GALNT18: variants seen among roughly 807,000 people sequenced by gnomAD.
GALNT18 encodes polypeptide N-acetylgalactosaminyltransferase 18, also known as GalNAc-transferase 18.
Under a neutral mutation model 69.5 loss-of-function variants are expected in GALNT18, and 44 were observed. That is an observed-to-expected ratio of 0.63 (90% confidence interval 0.50 to 0.81). The LOEUF (loss-of-function observed/expected upper bound fraction) is 0.81. Ranked by LOEUF, GALNT18 falls within the 40% of genes least tolerant of loss-of-function variation. GALNT18 has a pLI of 0.00. For synonymous variants in GALNT18, 364 were observed against 318.2 expected, an observed-to-expected ratio of 1.14 and a Z score of -1.53; for missense variants, 715 against 810.0, an observed-to-expected ratio of 0.88 and a Z score of 1.42.
At chr11:11,466,291 T>G (rs1406600467) in intron 1 of GALNT18, among the ~76,000 whole-genome samples, 1 of 152,176 alleles carries the variant, frequency 6.6e-6, no homozygotes, top group Non-Finnish European at 1.5e-5. Context: ...CACCTTTACG[T>G]GAATATTGAA....
At chr11:11,427,712 A>T (rs1855165511) in intron 3 of GALNT18, among the ~76,000 whole-genome samples, 1 of 152,132 alleles carries the variant, frequency 6.6e-6, no homozygotes, top group Non-Finnish European at 1.5e-5. Flanking sequence ...CGCTCTTCCC[A>T]CCAAAACAGC....
chr11:11,367,114 C>T (rs1282982322), intron 6 of GALNT18, among the ~76,000 whole-genome samples: 1 of 152,182 alleles, frequency 6.6e-6, no homozygotes, highest in Non-Finnish European at 1.5e-5. Context: ...AACTCAGCTA[C>T]ACAGGGAGAG....
Position 11,541,181 on chromosome 11 carries a change from A to G in GALNT18, c.235+80178T>C, listed in dbSNP as rs547897555. 2.0e-5 allele frequency among the ~76,000 whole-genome samples: 3 copies of G among 152,208 alleles called. No homozygotes were observed. The South Asian group carries it at 6.2e-4, about 32-fold the overall frequency. On this transcript the variant is annotated intron_variant, in intron 1 of 10. Coordinates refer to ENST00000227756, the MANE Select transcript of GALNT18 (RefSeq NM_198516.3). The surrounding 1 kb of genome is among the most constrained non-coding windows in gnomAD (Gnocchi z 4.8). ...TTTCTCACTGCCCAACTCTGTACCT[A>G]CAAGTTCTTTCACCCTCCCTCAGGA...
intron 1 of GALNT18, among the ~76,000 whole-genome samples, chr11:11,512,175 C>T (rs536223311): frequency 4.6e-5 from 7 of 152,292 alleles, no homozygotes; most frequent in Non-Finnish European, 1.0e-4. Flanking sequence ...AAACCGCCTG[C>T]CCCCATGGGT....
At position 11,598,353 on chromosome 11, in the gene GALNT18, T is replaced by C. The variant is rs1255296312; in HGVS notation, c.235+23006A>G. Among the ~76,000 whole-genome samples the C allele has an allele frequency of 6.6e-6, 1 of 152,192 alleles. No individual in the cohort carries two copies. The highest frequency in any genetic ancestry group is 1.9e-4 in the East Asian group (1 of 5,192). On this transcript the variant is annotated intron_variant, in intron 1 of 10. Transcript: ENST00000227756. This position sits in a 1 kb window ranked among gnomAD's most constrained non-coding sequence, Gnocchi z 4.8. ...TCTTACTCGAGGCAAAATCAAGGTG[T>C]CAGCAGGGCTATACTTCTTTGCAGG...
intron 3 of GALNT18, among the ~76,000 whole-genome samples, chr11:11,381,561 T>G (rs762904698): frequency 1.4e-4 from 21 of 152,184 alleles, no homozygotes; most frequent in Non-Finnish European, 2.4e-4. Flanking sequence ...TGTGGCTGCC[T>G]CACACACTGA....
intron 10 of GALNT18, among the ~76,000 whole-genome samples, chr11:11,278,076 G>A (rs550113899): frequency 6.6e-6 from 1 of 151,722 alleles, no homozygotes; most frequent in Non-Finnish European, 1.5e-5. Flanking sequence ...TTGCCTCGTT[G>A]ATCTGTCTAG....
At chr11:11,384,914 A>G (rs766589307) in intron 3 of GALNT18, among the ~76,000 whole-genome samples, 2 of 152,252 alleles carry the variant, frequency 1.3e-5, no homozygotes, top group African/African-American at 4.8e-5. Flanking sequence ...CAGGAAGAGC[A>G]TATTGGTCCA....
At chr11:11,345,820 G>T (rs556314514) in intron 6 of GALNT18, among the ~76,000 whole-genome samples, 2 of 152,244 alleles carry the variant, frequency 1.3e-5, no homozygotes, top group East Asian at 3.9e-4. Flanking sequence ...AGGCAGGTGT[G>T]GTCGCAGGGA....
At chr11:11,391,796 T>G (rs928338051) in intron 3 of GALNT18, among the ~76,000 whole-genome samples, 1 of 152,206 alleles carries the variant, frequency 6.6e-6, no homozygotes, top group Non-Finnish European at 1.5e-5. Flanking sequence ...CACAGCAACC[T>G]TCCAGGGCTT....
chr11:11,397,637 G>T (rs943372955), intron 3 of GALNT18, among the ~76,000 whole-genome samples: 2 of 151,894 alleles, frequency 1.3e-5, no homozygotes, highest in African/African-American at 4.8e-5. Context: ...CCAGATAATT[G>T]TTTTTGTATT....
intron 1 of GALNT18, among the ~76,000 whole-genome samples, chr11:11,607,648 TG>T (rs1452756119): frequency 1.3e-5 from 2 of 152,222 alleles, no homozygotes; most frequent in African/African-American, 4.8e-5. Flanking sequence ...CACACCTTCC[TG>T]CCTGCAATTG....
chr11:11,284,837 T>C (rs1849158757), intron 10 of GALNT18, among the ~76,000 whole-genome samples: 1 of 150,104 alleles, frequency 6.7e-6, no homozygotes, highest in African/African-American at 2.5e-5. Flanking sequence ...TTAAGTCTTT[T>C]TTTGGTAGAG....
chr11:11,509,274 C>T (rs1258365595), intron 1 of GALNT18, among the ~76,000 whole-genome samples: 1 of 152,056 alleles, frequency 6.6e-6, no homozygotes, highest in Non-Finnish European at 1.5e-5. Flanking sequence ...AGTTCTAATA[C>T]CAAAATATTT....
At position 11,372,633 on chromosome 11, in the gene GALNT18, C is replaced by A. The variant is rs559530529; in HGVS notation, c.978-4G>T. Reference sequence around the variant, plus strand: ...GCAGCCAATGAGGGCAGGGCTCCTGCAGGGGCAGGGGAGAGCAGAAGGGCT... The same window carrying A: ...GCAGCCAATGAGGGCAGGGCTCCTGAAGGGGCAGGGGAGAGCAGAAGGGCT... On this transcript the variant is annotated splice_region_variant and splice_polypyrimidine_tract_variant and intron_variant, in intron 5 of 10. Transcript: ENST00000227756. This position sits in a 1 kb window ranked among gnomAD's most constrained non-coding sequence, Gnocchi z 4.9. 2 of 1,612,762 alleles carry A rather than the reference C, an allele frequency of 1.2e-6. No homozygotes were observed. The highest frequency in any genetic ancestry group is 1.1e-5 in the South Asian group (1 of 91,022).
rs1445260604 is a variant in GALNT18 at position 11,495,882 on chromosome 11, T to G, written c.236-46946A>C. Among the ~76,000 whole-genome samples the G allele has an allele frequency of 2.0e-5, 3 of 152,128 alleles. No individual in the cohort carries two copies. In the East Asian group the frequency reaches 5.8e-4, roughly 29 times the overall value. ...AGGCTGTGACCAAGAGATGGGCAGG[T>G]CCTCCTCTCAAGGCAGTCCTCTGCC... On this transcript the variant is annotated intron_variant, in intron 1 of 10. Coordinates refer to ENST00000227756, the MANE Select transcript of GALNT18 (RefSeq NM_198516.3).
chr11:11,613,611 T>C lies in GALNT18; in HGVS notation c.235+7748A>G, dbSNP rs991920011. ...ATCAAGGACCCCTGGGCTCAAGCAT[T>C]GCATTACAGATGGAGCTGACTCTAA... is the stretch of plus-strand genomic sequence containing the variant. On this transcript the variant is annotated intron_variant, in intron 1 of 10. Coordinates refer to ENST00000227756, the MANE Select transcript of GALNT18 (RefSeq NM_198516.3). This position sits in a 1 kb window ranked among gnomAD's most constrained non-coding sequence, Gnocchi z 4.2. 5.3e-5 allele frequency among the ~76,000 whole-genome samples: 8 copies of C among 152,180 alleles called. No individual in the cohort carries two copies. The highest frequency in any genetic ancestry group is 1.9e-4 in the African/African-American group (8 of 41,434).
chr11:11,394,695 C>G (rs1035317047), intron 3 of GALNT18, among the ~76,000 whole-genome samples: 1 of 152,242 alleles, frequency 6.6e-6, no homozygotes, highest in Non-Finnish European at 1.5e-5. Flanking sequence ...AGGTCTCTAA[C>G]AAGGGCCCTG....
intron 3 of GALNT18, among the ~76,000 whole-genome samples, chr11:11,394,655 T>G (rs973796159): frequency 6.6e-6 from 1 of 152,222 alleles, no homozygotes; most frequent in African/African-American, 2.4e-5. Flanking sequence ...GGCTCCTCAC[T>G]AAGCTCCACG....
Sources: allele counts gnomAD v4.1 joint callset (sites outside exome capture counted in the v4.1 genomes callset), GRCh38; gene constraint gnomAD v4.1.1; non-coding constraint Gnocchi (gnomAD v3.1); transcripts MANE v1.5; gene names NCBI Gene and HGNC (gene_info 2026-07-23, HGNC 2026-07-21).